Variants in TF observed in about 807,000 individuals in gnomAD.
TF encodes the protein serotransferrin.
A neutral mutation model predicts 82.4 loss-of-function variants in TF; 55 were observed. The ratio of observed to expected loss-of-function variants is 0.67; its 90% CI spans 0.54 to 0.84. The LOEUF (loss-of-function observed/expected upper bound fraction) is 0.84. Ranked by LOEUF, TF falls within the 40% of genes least tolerant of loss-of-function variation. The pLI is 0.00. For synonymous variants in TF, 332 were observed against 332.6 expected (o/e 1.00, Z 0.02); for missense variants, 737 against 868.4 (o/e 0.85, Z 1.90).
the TF span, among the ~76,000 whole-genome samples, chr3:133,718,757 C>T: frequency 0.09 from 13,673 of 152,156 alleles, 829 homozygotes; most frequent in East Asian, 0.26. Context: ...AACCATTAGT[C>T]TAGAGTAGAG....
chr3:133,778,601 G>A lies in TF; in HGVS notation c.2078G>A (p.Cys693Tyr), dbSNP rs1450435356. Reference protein sequence around the residue: ...KCSTSSLLEACTFRRP With the variant: ...KCSTSSLLEAYTFRRP The stretch of plus-strand genomic sequence containing the variant: ...TGCTCCACAGCACTCCTGGAAGCCT[G>A]CACTTTCCGTAGACCTTAAAATCTC... The change falls in exon 17 of 17, where the codon TGC becomes TAC. Residue 693 changes from cysteine to tyrosine, a missense_variant. Coordinates refer to ENST00000402696, the MANE Select transcript of TF (RefSeq NM_001063.4). The A allele has an allele frequency of 1.2e-6, 2 of 1,613,022 alleles. No homozygotes were observed. The highest frequency in any genetic ancestry group is 1.1e-5 in the South Asian group (1 of 91,076).
In TF at chr3:133,787,712, T is replaced by A. The variant is rs1934722956; in HGVS notation, c.*9092T>A. The A allele has an allele frequency of 6.6e-6, 1 of 152,188 alleles. No individual in the cohort carries two copies. Among genetic ancestry groups the A allele is most frequent in the Admixed American group, 6.5e-5 (1 of 15,276 alleles). The allele number at this position is 152,188 out of a possible 1,614,324, so 9.4% of individuals were successfully genotyped here. On this transcript the variant is annotated 3_prime_UTR_variant, in exon 17 of 17. Coordinates refer to ENST00000402696, the MANE Select transcript of TF (RefSeq NM_001063.4). The stretch of plus-strand genomic sequence containing the variant: ...GTTTTGCTATTGTGTACTAGAAAAT[T>A]TCAGTTTATCCATTGCCTTATATGT...
chr3:133,756,739 C>T, intron 6 of TF, 92 bp from the exon 7 acceptor site: 1 of 1,516,600 alleles, frequency 6.6e-7, no homozygotes. Flanking sequence ...GACCTCTCAG[C>T]TCATACTTTC....
At chr3:133,721,891 G>A in the TF span, among the ~76,000 whole-genome samples, 6 of 151,992 alleles carry the variant, frequency 3.9e-5, no homozygotes, top group East Asian at 9.6e-4. Context: ...TGTTGTTGCT[G>A]TTGTTCGAGA....
At chr3:133,729,784 C>A in the TF span, among the ~76,000 whole-genome samples, 1 of 152,112 alleles carries the variant, frequency 6.6e-6, no homozygotes, top group Non-Finnish European at 1.5e-5. Flanking sequence ...TGGAGCTGTT[C>A]CTATTCGGCC....
chr3:133,673,524 A>G, the TF span, among the ~76,000 whole-genome samples: 2 of 152,348 alleles, frequency 1.3e-5, no homozygotes, highest in South Asian at 4.1e-4. Context: ...TGCAACGCTG[A>G]TAATGAATAA....
At chr3:133,750,391 C>T (rs1008190466) in intron 2 of TF, among the ~76,000 whole-genome samples, 4 of 152,084 alleles carry the variant, frequency 2.6e-5, no homozygotes, top group African/African-American at 4.8e-5. Context: ...GTAGGTTAGC[C>T]GAAGGGAAAA....
At chr3:133,775,303 TA>T in intron 14 of TF, 129 bp from the exon 15 acceptor site, 1 of 885,732 alleles carries the variant, frequency 1.1e-6, no homozygotes, top group Non-Finnish European at 1.9e-6. Flanking sequence ...CACATCACTG[TA>T]ACCCCAGTGT....
At chr3:133,737,047 A>G in the TF span, among the ~76,000 whole-genome samples, 1 of 152,220 alleles carries the variant, frequency 6.6e-6, no homozygotes, top group Admixed American at 6.5e-5. Flanking sequence ...CACTTATTCT[A>G]AAATTGAACA....
In TF at chr3:133,792,140, A is replaced by C. The variant is rs1934854603; in HGVS notation, c.*13520A>C. ...AATTTATTTTGGAGCATTAGATTCTAGATAAGGCCTGGGGACAAATAGAAT... is the reference window on the plus strand; with the variant it reads ...AATTTATTTTGGAGCATTAGATTCTCGATAAGGCCTGGGGACAAATAGAAT... On this transcript the variant is annotated 3_prime_UTR_variant, in exon 17 of 17. Coordinates refer to ENST00000402696, the MANE Select transcript of TF (RefSeq NM_001063.4). The C allele has an allele frequency of 6.6e-6, 1 of 152,218 alleles. No homozygotes were observed. The highest frequency in any genetic ancestry group is 2.4e-5 in the African/African-American group (1 of 41,464). The allele number at this position is 152,218 out of a possible 1,614,324, so 9.4% of individuals were successfully genotyped here. A position where few individuals can be genotyped will look rare whatever the true frequency, so the allele number is the denominator to read the frequency against.
chr3:133,736,738 G>C, the TF span, among the ~76,000 whole-genome samples: 1 of 151,188 alleles, frequency 6.6e-6, no homozygotes, highest in Non-Finnish European at 1.5e-5. Context: ...TTACATAATG[G>C]TAAAAAGATC....
At chr3:133,675,383 A>G in the TF span, among the ~76,000 whole-genome samples, 2 of 152,300 alleles carry the variant, frequency 1.3e-5, no homozygotes, top group South Asian at 4.1e-4. Flanking sequence ...TCGGTTAAAT[A>G]TTGTCTATAT....
the TF span, among the ~76,000 whole-genome samples, chr3:133,698,832 C>G: frequency 2.0e-5 from 3 of 152,204 alleles, no homozygotes; most frequent in Admixed American, 2.0e-4. Context: ...ATCAAAGAGG[C>G]TGTTTTACTC....
chr3:133,662,033 G>A, the TF span: 5 of 152,414 alleles, frequency 3.3e-5, no homozygotes, highest in African/African-American at 1.2e-4. Flanking sequence ...CAAACGTGGA[G>A]GTGAGCAGTC....
At chr3:133,710,907 GC>G in the TF span, among the ~76,000 whole-genome samples, 2 of 152,052 alleles carry the variant, frequency 1.3e-5, no homozygotes, top group Non-Finnish European at 2.9e-5. Context: ...TCAACTCCCT[GC>G]CGCCTGGCTC....
the TF span, among the ~76,000 whole-genome samples, chr3:133,705,980 C>T: frequency 2.0e-5 from 3 of 152,206 alleles, no homozygotes; most frequent in Admixed American, 6.5e-5. Context: ...TTCCTGTTCC[C>T]TCTTCTCAGC....
chr3:133,746,721 A>T (rs965821765), intron 1 of TF, among the ~76,000 whole-genome samples: 1 of 152,226 alleles, frequency 6.6e-6, no homozygotes, highest in African/African-American at 2.4e-5. Context: ...ATCTTGCAGC[A>T]GTGAAATACA....
At chr3:133,670,031 G>A in the TF span, among the ~76,000 whole-genome samples, 6 of 152,172 alleles carry the variant, frequency 3.9e-5, no homozygotes, top group Non-Finnish European at 5.9e-5. Flanking sequence ...GCCCCATGCC[G>A]TTATTACTTC....
At chr3:133,763,682 T>G (rs75236243) in intron 9 of TF, among the ~76,000 whole-genome samples, 3 of 152,330 alleles carry the variant, frequency 2.0e-5, no homozygotes, top group African/African-American at 7.2e-5. Context: ...GAGCTGAGAT[T>G]TAGAACATTT....
Sources: allele counts gnomAD v4.1 joint callset (sites outside exome capture counted in the v4.1 genomes callset), GRCh38; gene constraint gnomAD v4.1.1; transcripts MANE v1.5; gene names NCBI Gene and HGNC (gene_info 2026-07-23, HGNC 2026-07-21).